PACSIN2: variants seen among roughly 807,000 people sequenced by gnomAD.
PACSIN2 encodes the protein protein kinase C and casein kinase substrate in neurons protein 2.
PACSIN2 carries 25 observed loss-of-function variants against 63.8 expected under a neutral mutation model. The ratio of observed to expected loss-of-function variants is 0.39; its 90% confidence interval spans 0.29 to 0.55. The LOEUF (loss-of-function observed/expected upper bound fraction) is 0.55, where lower values mean the gene tolerates loss of function less well. PACSIN2 is among the 20% of genes least tolerant of loss of function. The pLI, the probability that PACSIN2 is intolerant of heterozygous loss-of-function variation, is 0.62. For missense variants in PACSIN2, 518 were observed against 646.9 expected, an observed-to-expected ratio of 0.80 and a Z score of 2.16; for synonymous variants, 255 against 256.2, an observed-to-expected ratio of 1.00 and a Z score of 0.05.
intron 1 of PACSIN2, among the ~76,000 whole-genome samples, chr22:42,986,663 C>T (rs1170486054): frequency 2.6e-5 from 4 of 152,158 alleles, no homozygotes; most frequent in African/African-American, 9.7e-5. Context: ...AGGGCTACTT[C>T]AGGGCAGAGA....
At chr22:42,894,181 G>C (rs1229758360) in intron 2 of PACSIN2, among the ~76,000 whole-genome samples, 1 of 151,988 alleles carries the variant, frequency 6.6e-6, no homozygotes, top group South Asian at 2.1e-4. Flanking sequence ...GGAAACAAAG[G>C]CTTAGAGAAG....
intron 1 of PACSIN2, among the ~76,000 whole-genome samples, chr22:42,968,143 G>C (rs1225049303): frequency 6.6e-6 from 1 of 152,246 alleles, no homozygotes; most frequent in East Asian, 1.9e-4. Flanking sequence ...TCCCTCTGAC[G>C]GCCGAGTGTG....
At chr22:42,974,715 C>T (rs192263595) in intron 1 of PACSIN2, among the ~76,000 whole-genome samples, 1 of 146,196 alleles carries the variant, frequency 6.8e-6, no homozygotes, top group Non-Finnish European at 1.5e-5. Context: ...TGCCACTGCA[C>T]TCCAGCCTGG....
intron 1 of PACSIN2, among the ~76,000 whole-genome samples, chr22:43,004,555 AGCACT>A (rs1306641120): frequency 6.6e-6 from 1 of 152,190 alleles, no homozygotes; most frequent in South Asian, 2.1e-4. Context: ...CTGTACAGGG[AGCACT>A]GCCTGCTCTG....
chr22:42,888,472 C>T (rs181380455), intron 5 of PACSIN2, among the ~76,000 whole-genome samples, 171 bp downstream of exon 5: 1 of 152,268 alleles, frequency 6.6e-6, no homozygotes, highest in East Asian at 1.9e-4. Context: ...TATGGTGAGG[C>T]GAGGTGCTAG....
intron 5 of PACSIN2, among the ~76,000 whole-genome samples, chr22:42,885,743 C>G (rs1929427556): frequency 6.6e-6 from 1 of 151,286 alleles, no homozygotes; most frequent in African/African-American, 2.4e-5. Flanking sequence ...GGCCCTGACT[C>G]CTGCCCCTTT....
At chr22:42,995,354 G>A (rs1021592701) in intron 1 of PACSIN2, among the ~76,000 whole-genome samples, 4 of 152,222 alleles carry the variant, frequency 2.6e-5, no homozygotes, top group African/African-American at 7.2e-5. Context: ...GTGCCAGGAG[G>A]ACGGCAGCTT....
intron 1 of PACSIN2, among the ~76,000 whole-genome samples, chr22:43,014,000 T>C (rs900343466): frequency 6.6e-6 from 1 of 152,220 alleles, no homozygotes; most frequent in African/African-American, 2.4e-5. Context: ...GCTGCAGCCG[T>C]GTGGGCCCCA....
intron 1 of PACSIN2, among the ~76,000 whole-genome samples, chr22:42,975,280 G>A (rs1921613003): frequency 6.6e-6 from 1 of 152,018 alleles, no homozygotes; most frequent in Non-Finnish European, 1.5e-5. Context: ...CCCCATTCTT[G>A]TGGTTTACTC....
intron 1 of PACSIN2, among the ~76,000 whole-genome samples, chr22:43,009,248 C>CT (rs1396775374): frequency 6.6e-6 from 1 of 152,230 alleles, no homozygotes; most frequent in East Asian, 1.9e-4. Context: ...CTGACCAAGC[C>CT]TGGCCCACTT....
intron 1 of PACSIN2, among the ~76,000 whole-genome samples, chr22:42,939,969 A>T (rs1314116140): frequency 1.3e-5 from 2 of 152,220 alleles, no homozygotes; most frequent in Non-Finnish European, 2.9e-5. Flanking sequence ...GGCCTTCAAT[A>T]AACTACTGAA....
At chr22:43,003,582 G>A (rs912298374) in intron 1 of PACSIN2, among the ~76,000 whole-genome samples, 3 of 152,192 alleles carry the variant, frequency 2.0e-5, no homozygotes, top group Middle Eastern at 3.2e-3. Context: ...CAGCCTGGGC[G>A]ACAGAGCAAG....
intron 1 of PACSIN2, among the ~76,000 whole-genome samples, chr22:42,982,239 C>T (rs1259681877): frequency 3.0e-5 from 2 of 66,306 alleles, no homozygotes; most frequent in Non-Finnish European, 5.8e-5. Flanking sequence ...CCGCCCCGTC[C>T]GGGAGGGTGG....
rs768177553 is a variant in PACSIN2 at position 42,888,790 on chromosome 22, T to A, written c.462A>T (p.Ala154=). ...PWAKKLKEVE[A]AKKAHHAACK... ...ACGCTGCATGGTGGGCTTTCTTTGC[T>A]GCTTCTACCTACAGGGAGAATGAGT... The change falls in exon 5 of 11, where the codon GCA becomes GCT. Residue 154 remains alanine, a synonymous_variant. Transcript: ENST00000263246. 1 of 1,614,212 alleles carries A rather than the reference T, an allele frequency of 6.2e-7. No individual in the cohort carries two copies. The highest frequency in any genetic ancestry group is 8.5e-7 in the Non-Finnish European group (1 of 1,180,022).
At position 42,980,507 on chromosome 22, in the gene PACSIN2, T is replaced by G. The variant is rs1456684130; in HGVS notation, c.-78+34514A>C. On this transcript the variant is annotated intron_variant, in intron 1 of 10. Transcript: ENST00000263246. ...CTCCCCCTCCCCCTCCCCCTCTCCC[T>G]CTCCCTCCACGGTCTCCCTCTGATG... Among the ~76,000 whole-genome samples, 5 of 55,092 alleles carry G rather than the reference T, an allele frequency of 9.1e-5. No homozygotes were observed. In the East Asian group the frequency reaches 3.4e-3, roughly 37 times the overall value. The allele number at this position is 55,092 out of a possible 152,430, so 36.1% of individuals were successfully genotyped here. A position where few individuals can be genotyped will look rare whatever the true frequency, so the allele number is the denominator to read the frequency against.
rs2146615645 is a variant in PACSIN2 at position 42,871,888 on chromosome 22, G to A, written c.1349-419C>T. The stretch of plus-strand genomic sequence containing the variant: ...CCTTGCTCCCAGCAGCTGTCTCTGG[G>A]GTCTCTCTGCCTTTGCTAATCCCTC... On this transcript the variant is annotated intron_variant, in intron 10 of 10. Transcript: ENST00000263246. The surrounding 1 kb of genome is among the most constrained non-coding windows in gnomAD (Gnocchi z 5.4). 6.6e-6 allele frequency among the ~76,000 whole-genome samples: 1 copy of A among 152,014 alleles called. No individual in the cohort carries two copies. Among genetic ancestry groups the A allele is most frequent in the Middle Eastern group, 3.4e-3 (1 of 294 alleles).
intron 1 of PACSIN2, among the ~76,000 whole-genome samples, chr22:42,962,567 G>C (rs1384892388): frequency 1.3e-5 from 2 of 151,844 alleles, no homozygotes; most frequent in African/African-American, 4.8e-5. Context: ...CAGAACTGGG[G>C]GTGGGGGGTG....
At chr22:43,013,849 C>T (rs1485941424) in intron 1 of PACSIN2, among the ~76,000 whole-genome samples, 1 of 152,132 alleles carries the variant, frequency 6.6e-6, no homozygotes, top group Non-Finnish European at 1.5e-5. Context: ...AGCCTACCCC[C>T]TTAACCACAA....
At position 42,903,122 on chromosome 22, in the gene PACSIN2, G is replaced by A. The variant is rs117405349; in HGVS notation, c.60+8899C>T. Reference sequence around the variant, plus strand: ...TCACTGCAGCTACAAAGCTTTCAGGGAAATCCAGGGCCTGAGTTAGTTTAT... The same window carrying A: ...TCACTGCAGCTACAAAGCTTTCAGGAAAATCCAGGGCCTGAGTTAGTTTAT... On this transcript the variant is annotated intron_variant, in intron 2 of 10. Coordinates refer to ENST00000263246, the MANE Select transcript of PACSIN2 (RefSeq NM_001184970.3). Among the ~76,000 whole-genome samples, 695 of 152,282 alleles carry A rather than the reference G, an allele frequency of 4.6e-3. 3 individuals carry two copies. Among genetic ancestry groups the A allele is most frequent in the Non-Finnish European group, 4.9e-3 (336 of 67,994 alleles).
Sources: gnomAD v4.1 joint callset for allele counts (sites outside exome capture counted in the v4.1 genomes callset) on GRCh38, gnomAD v4.1.1 for gene constraint, Gnocchi (gnomAD v3.1) non-coding constraint, MANE v1.5 for transcripts, NCBI Gene and HGNC (gene_info 2026-07-23, HGNC 2026-07-21) for gene names.